The following NTNG1 variants were observed in gnomAD, a reference collection of about 807,000 sequenced individuals.
The protein encoded by NTNG1 is netrin G1, also known as netrin-G1.
NTNG1 carries 16 observed loss-of-function variants against 54.0 expected under a neutral mutation model. The observed-to-expected ratio is 0.30, with a 90% CI of 0.20 to 0.45. The LOEUF is 0.45. NTNG1 is among the 20% of genes least tolerant of loss of function. NTNG1 has a pLI of 1.00. For missense variants in NTNG1, 530 were observed against 678.7 expected (o/e 0.78, Z 2.43); for synonymous variants, 255 against 263.1 (o/e 0.97, Z 0.30).
At chr1:107,293,661 TG>T (rs1037663155) in intron 2 of NTNG1, among the ~76,000 whole-genome samples, 4 of 152,146 alleles carry the variant, frequency 2.6e-5, no homozygotes, top group Non-Finnish European at 2.9e-5. Flanking sequence ...ATATATAAAG[TG>T]GGGGTATAAT....
chr1:107,230,869 G>C (rs370021012), intron 2 of NTNG1, among the ~76,000 whole-genome samples: 1 of 152,078 alleles, frequency 6.6e-6, no homozygotes, highest in Non-Finnish European at 1.5e-5. Context: ...CAGTACTAAC[G>C]AATTTCAAAG....
At chr1:107,477,249 C>T (rs76087118) in intron 7 of NTNG1, among the ~76,000 whole-genome samples, 2,738 of 152,270 alleles carry the variant, frequency 0.018, 36 homozygotes, top group Non-Finnish European at 0.025. Flanking sequence ...AGGAGTGCCA[C>T]CAGGCTGGTG....
intron 2 of NTNG1, among the ~76,000 whole-genome samples, chr1:107,179,677 T>C (rs1656924947): frequency 6.6e-6 from 1 of 152,128 alleles, no homozygotes; most frequent in Non-Finnish European, 1.5e-5. Context: ...GTTGTCTAGA[T>C]TATTTCATCA....
At chr1:107,158,972 T>C (rs1279598887) in intron 2 of NTNG1, among the ~76,000 whole-genome samples, 1 of 152,204 alleles carries the variant, frequency 6.6e-6, no homozygotes, top group East Asian at 1.9e-4. Context: ...ATGAAGGTTA[T>C]ACTAAAGGGC....
intron 2 of NTNG1, among the ~76,000 whole-genome samples, chr1:107,264,199 C>T (rs1201502145): frequency 1.3e-5 from 2 of 152,072 alleles, no homozygotes; most frequent in African/African-American, 2.4e-5. Flanking sequence ...CTTAGCCACA[C>T]CCCCTCCCCT....
chr1:107,242,224 G>A (rs1473588327), intron 2 of NTNG1, among the ~76,000 whole-genome samples: 1 of 152,138 alleles, frequency 6.6e-6, no homozygotes, highest in South Asian at 2.1e-4. Flanking sequence ...CTTGAGGTGA[G>A]AGAATCCTTT....
intron 3 of NTNG1, among the ~76,000 whole-genome samples, chr1:107,351,927 G>C (rs181361044): frequency 4.3e-4 from 66 of 152,350 alleles, no homozygotes; most frequent in African/African-American, 1.5e-3. Context: ...AGGGGCTACA[G>C]GCCCCGTGCA....
chr1:107,170,201 G>C (rs1656116571), intron 2 of NTNG1, among the ~76,000 whole-genome samples: 1 of 152,098 alleles, frequency 6.6e-6, no homozygotes, highest in Admixed American at 6.6e-5. Flanking sequence ...GGAATACTAA[G>C]AAAATTATTT....
rs186850383 is a variant in NTNG1 at position 107,283,366 on chromosome 1, G to A, written c.247-40916G>A. 2.2e-3 allele frequency among the ~76,000 whole-genome samples: 337 copies of A among 152,170 alleles called. 1 individual carries two copies. The highest frequency in any genetic ancestry group is 7.6e-3 in the African/African-American group (314 of 41,512). On this transcript the variant is annotated intron_variant, in intron 2 of 7. Coordinates refer to ENST00000370068, the MANE Select transcript of NTNG1 (RefSeq NM_001113226.3). ...ATGTTGGTGGAGGGCATCACTTGGG[G>A]CAACTCCTAACAGAGCCAGCTCCAG...
At chr1:107,313,479 T>C (rs1048960149) in intron 2 of NTNG1, among the ~76,000 whole-genome samples, 12 of 152,192 alleles carry the variant, frequency 7.9e-5, no homozygotes, top group Middle Eastern at 3.2e-3. Flanking sequence ...TGAGAAATCA[T>C]ATCTGAAGAC....
intron 2 of NTNG1, among the ~76,000 whole-genome samples, chr1:107,242,328 GCT>G (rs1020281715): frequency 6.6e-6 from 1 of 151,598 alleles, no homozygotes. Flanking sequence ...GTTTGATCTC[GCT>G]CTCTCTCTCT....
intron 6 of NTNG1, among the ~76,000 whole-genome samples, chr1:107,433,311 G>A (rs1032091299): frequency 1.3e-5 from 2 of 152,024 alleles, no homozygotes; most frequent in South Asian, 2.1e-4. Context: ...TAGAAGGCCC[G>A]GGCAGGTGGA....
intron 2 of NTNG1, among the ~76,000 whole-genome samples, chr1:107,169,973 A>C (rs1014303321): frequency 1.3e-5 from 2 of 152,234 alleles, no homozygotes; most frequent in African/African-American, 4.8e-5. Context: ...TCTTTAGGGA[A>C]GACTCAACTC....
intron 2 of NTNG1, chr1:107,260,847 C>CT (rs1410613450): frequency 1.3e-5 from 2 of 152,332 alleles, no homozygotes; most frequent in Admixed American, 1.3e-4. Context: ...TTTTCTGCTG[C>CT]TTCTGTTGCC....
intron 5 of NTNG1, among the ~76,000 whole-genome samples, chr1:107,425,708 G>T (rs1034579685): frequency 2.0e-5 from 3 of 152,036 alleles, no homozygotes; most frequent in Non-Finnish European, 1.5e-5. Flanking sequence ...TAGTAGAATT[G>T]CTGGGTCAAA....
chr1:107,401,374 A>G (rs1673026583), intron 4 of NTNG1, among the ~76,000 whole-genome samples: 1 of 152,206 alleles, frequency 6.6e-6, no homozygotes, highest in South Asian at 2.1e-4. Context: ...TTATTCAGGT[A>G]CAACCACTGA....
At chr1:107,224,891 A>T (rs1398875405) in intron 2 of NTNG1, among the ~76,000 whole-genome samples, 2 of 152,170 alleles carry the variant, frequency 1.3e-5, no homozygotes, top group Non-Finnish European at 2.9e-5. Context: ...CCCCTCTGCA[A>T]ATCATTAGCT....
At chr1:107,453,419 G>A (rs896011587) in intron 7 of NTNG1, among the ~76,000 whole-genome samples, 1 of 152,182 alleles carries the variant, frequency 6.6e-6, no homozygotes, top group Non-Finnish European at 1.5e-5. Flanking sequence ...TTCATTTTAA[G>A]AGAAGACAGT....
intron 5 of NTNG1, among the ~76,000 whole-genome samples, chr1:107,411,083 T>C (rs1673767856): frequency 6.6e-6 from 1 of 152,190 alleles, no homozygotes; most frequent in Non-Finnish European, 1.5e-5. Flanking sequence ...ACACATTTTG[T>C]GAACCTGACT....
Sources: allele counts gnomAD v4.1 joint callset (sites outside exome capture counted in the v4.1 genomes callset), GRCh38; gene constraint gnomAD v4.1.1; transcripts MANE v1.5; gene names NCBI Gene and HGNC (gene_info 2026-07-23, HGNC 2026-07-21).